Variants in NUDT3 observed in about 807,000 individuals in gnomAD.
The protein encoded by NUDT3 is nudix hydrolase 3, also known as diphosphoinositol polyphosphate phosphohydrolase 1.
Under a neutral mutation model 23.6 loss-of-function variants are expected in NUDT3, and 9 were observed. That is an observed-to-expected ratio of 0.38 (90% confidence interval 0.23 to 0.66). The LOEUF (loss-of-function observed/expected upper bound fraction) is 0.66. Among genes scored for constraint, NUDT3 ranks in the 30% least tolerant of loss-of-function variants. NUDT3 has a pLI of 0.52. For missense variants in NUDT3, 172 were observed against 218.5 expected (o/e 0.79, Z 1.34); for synonymous variants, 86 against 82.6 (o/e 1.04, Z -0.22).
At chr6:34,310,885 T>C (rs1427906799) in intron 2 of NUDT3, among the ~76,000 whole-genome samples, 1 of 150,418 alleles carries the variant, frequency 6.6e-6, no homozygotes, top group Non-Finnish European at 1.5e-5. Context: ...ATCAACAAGC[T>C]AAAAGTCACA....
Position 34,341,917 on chromosome 6 carries a change from C to T in NUDT3, c.155G>A (p.Gly52Asp). Residue 52 changes from glycine (G) to aspartate (D), a missense_variant, in exon 2 of 5, where the codon GGC (glycine) becomes GAC (aspartate). This residue lies in a region of NUDT3 where 59 missense variants were observed against 107.4 expected (regional missense o/e 0.55). Transcript: ENST00000607016. Reference protein sequence around the residue: ...HPDRWIVPGGGMEPEEEPSVA... With the variant: ...HPDRWIVPGGDMEPEEEPSVA... Reference sequence around the variant, plus strand: ...ACTTGGCTCCTCCTCGGGCTCCATGCCTCCTCCAGGGACAATCCATCTGTC... The same window carrying T: ...ACTTGGCTCCTCCTCGGGCTCCATGTCTCCTCCAGGGACAATCCATCTGTC... 2 of 1,614,080 alleles carry T rather than the reference C, an allele frequency of 1.2e-6. No homozygotes were observed. The highest frequency in any genetic ancestry group is 1.7e-6 in the Non-Finnish European group (2 of 1,179,974).
At chr6:34,334,924 G>GAAAAAAAAAAAAAA (rs544939862) in intron 2 of NUDT3, among the ~76,000 whole-genome samples, 1 of 81,486 alleles carries the variant, frequency 1.2e-5, no homozygotes. Flanking sequence ...AAAAGAAAAA[G>GAAAAAAAAAAAAAA]AAAAAAAAAA....
chr6:34,305,701 G>A (rs1029831161), intron 2 of NUDT3, among the ~76,000 whole-genome samples: 4 of 152,108 alleles, frequency 2.6e-5, no homozygotes, highest in Admixed American at 6.6e-5. Context: ...GCTGTATCCC[G>A]TAAGTCATGA....
At chr6:34,344,541 G>A (rs929786344) in intron 1 of NUDT3, among the ~76,000 whole-genome samples, 2 of 152,240 alleles carry the variant, frequency 1.3e-5, no homozygotes, top group African/African-American at 4.8e-5. Flanking sequence ...ACCAGGAACT[G>A]GGGGAAGGGG....
chr6:34,323,274 G>A (rs1351333276), intron 2 of NUDT3, among the ~76,000 whole-genome samples: 3 of 151,950 alleles, frequency 2.0e-5, no homozygotes, highest in Non-Finnish European at 4.4e-5. Flanking sequence ...AAGGGTGGGC[G>A]GGCACAAAGA....
At chr6:34,301,970 T>C (rs1442140833) in intron 2 of NUDT3, among the ~76,000 whole-genome samples, 5 of 152,214 alleles carry the variant, frequency 3.3e-5, no homozygotes, top group Non-Finnish European at 5.9e-5. Flanking sequence ...TTAGGGGCAT[T>C]ATATATTCAC....
At chr6:34,390,258 C>T (rs187457027) in intron 1 of NUDT3, among the ~76,000 whole-genome samples, 8 of 151,312 alleles carry the variant, frequency 5.3e-5, no homozygotes, top group African/African-American at 1.9e-4. Context: ...GGGGCCACTG[C>T]ACTCCAGCCT....
intron 2 of NUDT3, among the ~76,000 whole-genome samples, chr6:34,332,352 TA>T (rs1764140703): frequency 6.6e-6 from 1 of 152,002 alleles, no homozygotes; most frequent in Non-Finnish European, 1.5e-5. Context: ...TGGAGCCCAG[TA>T]AAGGTTTTTT....
intron 1 of NUDT3, among the ~76,000 whole-genome samples, chr6:34,357,315 A>G (rs1764577733): frequency 6.6e-6 from 1 of 152,042 alleles, no homozygotes; most frequent in African/African-American, 2.4e-5. Context: ...TAAGTTTTCC[A>G]TAATAAAAGG....
intron 2 of NUDT3, among the ~76,000 whole-genome samples, chr6:34,324,837 C>CAG (rs1763999227): frequency 6.6e-6 from 1 of 151,820 alleles, no homozygotes; most frequent in East Asian, 1.9e-4. Flanking sequence ...GTAACAGCCT[C>CAG]AGAGCAGAGA....
chr6:34,358,231 T>C (rs570677570), intron 1 of NUDT3, among the ~76,000 whole-genome samples: 30 of 150,022 alleles, frequency 2.0e-4, no homozygotes, highest in African/African-American at 7.2e-4. Flanking sequence ...TCTTACCCAT[T>C]TGAACTCAGA....
chr6:34,288,745 G>C lies in NUDT3; in HGVS notation c.*8C>G, dbSNP rs1763370505. The C allele has an allele frequency of 6.2e-7, 1 of 1,605,546 alleles. No homozygotes were observed. The highest frequency in any genetic ancestry group is 8.5e-7 in the Non-Finnish European group (1 of 1,177,316). On this transcript the variant is annotated 3_prime_UTR_variant, in exon 5 of 5. Transcript: ENST00000607016. ...CCAATTTCCATTTCTCTTACAGGAA[G>C]TCTTCAGTCATCTGATGCCTGACAT... is the stretch of plus-strand genomic sequence containing the variant.
intron 1 of NUDT3, among the ~76,000 whole-genome samples, chr6:34,387,148 G>A (rs974217154): frequency 9.2e-5 from 14 of 152,126 alleles, no homozygotes; most frequent in African/African-American, 3.1e-4. Flanking sequence ...ACAATTATGT[G>A]CAGTACATAA....
intron 2 of NUDT3, among the ~76,000 whole-genome samples, chr6:34,315,817 T>TTTTC (rs1265067518): frequency 6.6e-6 from 1 of 152,164 alleles, no homozygotes; most frequent in African/African-American, 2.4e-5. Context: ...CTTCTCAAGT[T>TTTTC]TAAGGATTTT....
At chr6:34,340,243 T>C (rs964144226) in intron 2 of NUDT3, among the ~76,000 whole-genome samples, 2 of 152,166 alleles carry the variant, frequency 1.3e-5, no homozygotes, top group African/African-American at 4.8e-5. Context: ...TACTGCTGAG[T>C]CAGCCAACCT....
chr6:34,376,686 T>G (rs948896145), intron 1 of NUDT3, among the ~76,000 whole-genome samples: 1 of 152,188 alleles, frequency 6.6e-6, no homozygotes, highest in Non-Finnish European at 1.5e-5. Context: ...ACTTCCAGAA[T>G]AGAACATCAT....
Position 34,380,332 on chromosome 6 carries a change from G to A in NUDT3, c.99+11932C>T, listed in dbSNP as rs560588881. Among the ~76,000 whole-genome samples the A allele has an allele frequency of 5.9e-5, 9 of 152,086 alleles. No individual in the cohort carries two copies. In the East Asian group the frequency reaches 1.2e-3, roughly 20 times the overall value. On this transcript the variant is annotated intron_variant, in intron 1 of 4. Coordinates refer to ENST00000607016, the MANE Select transcript of NUDT3 (RefSeq NM_006703.4). ...CTCCCAAAGTGCTGGGATTACAGGC[G>A]CGAGCCACAGCGCCCAGCCCTATTT...
At chr6:34,299,006 C>T (rs973327930) in intron 2 of NUDT3, among the ~76,000 whole-genome samples, 1 of 152,206 alleles carries the variant, frequency 6.6e-6, no homozygotes, top group Non-Finnish European at 1.5e-5. Flanking sequence ...TTCTCCCAGA[C>T]AGCTTACCTT....
intron 1 of NUDT3, among the ~76,000 whole-genome samples, chr6:34,355,787 G>T (rs1023777660): frequency 4.6e-5 from 7 of 151,772 alleles, no homozygotes; most frequent in African/African-American, 1.7e-4. Flanking sequence ...TTAGTAGTTT[G>T]TATCTTTCAA....
Sources: gnomAD v4.1 joint callset for allele counts (sites outside exome capture counted in the v4.1 genomes callset) on GRCh38, gnomAD v4.1.1 for gene constraint, gnomAD v4.1.1 regional missense constraint, MANE v1.5 for transcripts, NCBI Gene and HGNC (gene_info 2026-07-23, HGNC 2026-07-21) for gene names.